The following CTNND1 variants were observed in gnomAD, a reference collection of about 807,000 sequenced individuals.
The protein encoded by CTNND1 is catenin delta-1.
In CTNND1, 16 loss-of-function variants were observed where a neutral mutation model predicts 112.1. The observed-to-expected ratio is 0.14, with a 90% CI of 0.10 to 0.22. CTNND1 has a LOEUF of 0.22. Ranked by LOEUF, CTNND1 falls within the 10% of genes least tolerant of loss-of-function variation. CTNND1 has a pLI of 1.00. For missense variants in CTNND1, 1,008 were observed against 1,257.0 expected, an observed-to-expected ratio of 0.80 and a Z score of 3.00; for synonymous variants, 420 against 446.5, an observed-to-expected ratio of 0.94 and a Z score of 0.75.
chr11:57,779,266 T>G (rs2059327858), intron 1 of CTNND1, among the ~76,000 whole-genome samples: 1 of 152,220 alleles, frequency 6.6e-6, no homozygotes, highest in Non-Finnish European at 1.5e-5. Flanking sequence ...TAAGAGTTAC[T>G]AGCAATTCTC....
intron 8 of CTNND1, among the ~76,000 whole-genome samples, chr11:57,804,220 G>A (rs891860737): frequency 1.6e-4 from 24 of 152,232 alleles, no homozygotes; most frequent in Admixed American, 1.6e-3. Context: ...GGGTGAGGAA[G>A]GTCTGTTCTT....
intron 3 of CTNND1, chr11:57,793,077 C>G (rs1385332399): frequency 6.6e-6 from 1 of 152,100 alleles, no homozygotes; most frequent in Non-Finnish European, 1.5e-5. Flanking sequence ...TGTGGTTGCT[C>G]TCTTATTTTT....
chr11:57,766,948 T>A (rs562616322), intron 1 of CTNND1, among the ~76,000 whole-genome samples: 1 of 152,074 alleles, frequency 6.6e-6, no homozygotes, highest in Non-Finnish European at 1.5e-5. Context: ...GTGGGGGAAT[T>A]ATAAAGAGGC....
intron 16 of CTNND1, 66 bp from the exon 17 acceptor site, chr11:57,811,333 C>T: frequency 7.7e-7 from 1 of 1,306,204 alleles, no homozygotes; most frequent in South Asian, 1.3e-5. Flanking sequence ...GGTTTATGCC[C>T]ATTAGAGCAT....
At chr11:57,810,944 T>C (rs1385060342) in intron 16 of CTNND1, among the ~76,000 whole-genome samples, 1 of 149,420 alleles carries the variant, frequency 6.7e-6, no homozygotes, top group Non-Finnish European at 1.5e-5. Context: ...GCAACATAGC[T>C]AAACCCTGTC....
chr11:57,792,683 A>C (rs1365027892), intron 3 of CTNND1, among the ~76,000 whole-genome samples: 1 of 152,088 alleles, frequency 6.6e-6, no homozygotes, highest in Non-Finnish European at 1.5e-5. Context: ...GGCGTGTGCC[A>C]CCACACCCAG....
At chr11:57,798,776 A>ACAT (rs1477527700) in intron 6 of CTNND1, among the ~76,000 whole-genome samples, 1 of 152,244 alleles carries the variant, frequency 6.6e-6, no homozygotes, top group East Asian at 1.9e-4. Context: ...GAACTATTTT[A>ACAT]GGCTTTGCAG....
chr11:57,802,515 T>C (rs2062112561), intron 7 of CTNND1, among the ~76,000 whole-genome samples: 1 of 152,224 alleles, frequency 6.6e-6, no homozygotes, highest in African/African-American at 2.4e-5. Context: ...GAGCATGTGC[T>C]CTCTAATTTA....
In CTNND1 at chr11:57,809,432, G is replaced by A. The variant is rs1489949285; in HGVS notation, c.2401G>A (p.Gly801Ser). The A allele has an allele frequency of 1.2e-6, 2 of 1,613,310 alleles. No individual in the cohort carries two copies. The highest frequency in any genetic ancestry group is 1.6e-4 in the Middle Eastern group (1 of 6,062). The change falls in exon 15 of 21, where the codon GGT becomes AGT. Residue 801 changes from glycine to serine, a missense_variant. Physicochemically the swap from Gly to Ser is moderately conservative, Grantham distance 56 (BLOSUM62 0). This residue lies in a region of CTNND1 where 254 missense variants were observed against 279.5 expected (regional missense o/e 0.91). Transcript: ENST00000399050. ...EAAKKLRETQ[G>S]IEKLVLINKS... Reference sequence around the variant, plus strand: ...TGCCAAAAAGCTTCGAGAGACACAGGGTATTGAGAAGCTGGTGTTGATCAA... The same window carrying A: ...TGCCAAAAAGCTTCGAGAGACACAGAGTATTGAGAAGCTGGTGTTGATCAA...
chr11:57,812,537 C>G (rs117394301), intron 17 of CTNND1, among the ~76,000 whole-genome samples: 1,920 of 152,000 alleles, frequency 0.013, 19 homozygotes, highest in Admixed American at 0.019. Flanking sequence ...AAAAAAAAAT[C>G]ACTTTTATTG....
At chr11:57,816,059 G>A in intron 20 of CTNND1, 58 bp downstream of exon 20, 1 of 1,414,978 alleles carries the variant, frequency 7.1e-7, no homozygotes, top group South Asian at 1.3e-5. Flanking sequence ...CTGAGTGCCA[G>A]CAACTTGTCA....
At chr11:57,775,333 A>G (rs1953915713) in intron 1 of CTNND1, among the ~76,000 whole-genome samples, 2 of 67,988 alleles carry the variant, frequency 2.9e-5, no homozygotes, top group South Asian at 5.9e-4. Flanking sequence ...CCCCGTCTCG[A>G]AAAAAAAAAA....
At position 57,811,455 on chromosome 11, in the gene CTNND1, T is replaced by A. The variant is rs1037478273; in HGVS notation, c.2607T>A (p.Thr869=). ...GCAGTCATTCATATGATGATAGTAC[T>A]CTCCCTCTCATTGACCGGAACCAAA... is the stretch of plus-strand genomic sequence containing the variant. ...SQSSHSYDDS[T]LPLIDRNQKS... The change falls in exon 17 of 21, where the codon ACT becomes ACA. Residue 869 remains threonine, a synonymous_variant. Coordinates refer to ENST00000399050, the MANE Select transcript of CTNND1 (RefSeq NM_001085458.2). 12 of 1,613,266 alleles carry A rather than the reference T, an allele frequency of 7.4e-6. No individual in the cohort carries two copies. The Middle Eastern group carries it at 6.6e-4, about 88-fold the overall frequency.
chr11:57,776,341 A>C (rs2136192960), intron 1 of CTNND1, among the ~76,000 whole-genome samples: 1 of 152,206 alleles, frequency 6.6e-6, no homozygotes, highest in Non-Finnish European at 1.5e-5. Context: ...GTGGCACAGG[A>C]ATTAGATGTG....
chr11:57,767,836 C>CT (rs796841505), intron 1 of CTNND1, among the ~76,000 whole-genome samples: 35,604 of 140,810 alleles, frequency 0.25, 5,041 homozygotes, highest in Non-Finnish European at 0.33. Context: ...CCTTGAAGGT[C>CT]TTTTTTTTTT....
At chr11:57,762,786 C>T (rs1005857766) in intron 1 of CTNND1, among the ~76,000 whole-genome samples, 1 of 152,136 alleles carries the variant, frequency 6.6e-6, no homozygotes, top group African/African-American at 2.4e-5. Flanking sequence ...TTCTAAACTA[C>T]CTTTGATAGC....
intron 1 of CTNND1, among the ~76,000 whole-genome samples, chr11:57,771,629 G>C (rs1205469476): frequency 5.3e-5 from 8 of 152,170 alleles, no homozygotes; most frequent in Non-Finnish European, 1.2e-4. Context: ...TATTTTGGGG[G>C]AAGGGGAATA....
chr11:57,805,763 A>G (rs1758618210), intron 9 of CTNND1, 119 bp from the exon 10 acceptor site: 2 of 1,153,320 alleles, frequency 1.7e-6, no homozygotes, highest in East Asian at 2.6e-5. Flanking sequence ...CTGAGAAGTT[A>G]TGGATTGGGT....
chr11:57,792,991 A>G (rs2060938582), intron 3 of CTNND1, among the ~76,000 whole-genome samples: 1 of 152,156 alleles, frequency 6.6e-6, no homozygotes, highest in Non-Finnish European at 1.5e-5. Context: ...ATAGAAAGTT[A>G]GGGATGAAAT....
Sources: gnomAD v4.1 joint callset for allele counts (sites outside exome capture counted in the v4.1 genomes callset) on GRCh38, gnomAD v4.1.1 for gene constraint, gnomAD v4.1.1 regional missense constraint, MANE v1.5 for transcripts, NCBI Gene and HGNC (gene_info 2026-07-23, HGNC 2026-07-21) for gene names.